The following DOT1L variants were observed in gnomAD, a reference collection of about 807,000 sequenced individuals.
The protein encoded by DOT1L is DOT1 like histone lysine methyltransferase.
A neutral mutation model predicts 153.3 loss-of-function variants in DOT1L; 33 were observed. The observed-to-expected ratio is 0.22, with a 90% confidence interval of 0.16 to 0.29. The LOEUF (loss-of-function observed/expected upper bound fraction) is 0.29, where lower values mean the gene tolerates loss of function less well. DOT1L is among the 10% of genes least tolerant of loss of function. The probability of loss-of-function intolerance (pLI) is 1.00; values close to 1 mark genes in which losing one functional copy is unlikely to be tolerated. For missense variants in DOT1L, 1,847 were observed against 2,119.9 expected (o/e 0.87, Z 2.53); for synonymous variants, 1,135 against 965.1 (o/e 1.18, Z -3.26).
intron 1 of DOT1L, among the ~76,000 whole-genome samples, chr19:2,166,578 A>G (rs2144637950): frequency 6.6e-6 from 1 of 151,800 alleles, no homozygotes; most frequent in Admixed American, 6.6e-5. Flanking sequence ...CGTCCGGCTA[A>G]TTTTGTATTT....
rs554436237 is a variant in DOT1L at position 2,226,051 on chromosome 19, T to C, written c.3662-132T>C. The C allele has an allele frequency of 3.1e-4, 299 of 979,208 alleles. 3 individuals carry two copies. In the South Asian group the frequency reaches 4.0e-3, roughly 13 times the overall value. The allele number at this position is 979,208 out of a possible 1,614,324, so 60.7% of individuals were successfully genotyped here. A position where few individuals can be genotyped will look rare whatever the true frequency, so the allele number is the denominator to read the frequency against. ...CCTGTCCTCTCCCATCCTGTCCCGC[T>C]TGGCATCTTGAGTGTCTGTGACCAG... On this transcript the variant is annotated intron_variant, in intron 26 of 27. Transcript: ENST00000398665.
chr19:2,193,827 A>T lies in DOT1L; in HGVS notation c.588+44A>T. 1 of 1,596,106 alleles carries T rather than the reference A, an allele frequency of 6.3e-7. No individual in the cohort carries two copies. Among genetic ancestry groups the T allele is most frequent in the Non-Finnish European group, 8.6e-7 (1 of 1,168,268 alleles). On this transcript the variant is annotated intron_variant, in intron 6 of 27. Transcript: ENST00000398665. This position sits in a 1 kb window ranked among gnomAD's most constrained non-coding sequence, Gnocchi z 5.9. ...CAGGGTGTGTTGGAGGCAGGGGACC[A>T]TCAGAGAAAGTGACGCCCTGGGTGC...
At position 2,217,670 on chromosome 19, in the gene DOT1L, C is replaced by A. The variant is rs970797375; in HGVS notation, c.2545-102C>A. 3 of 1,481,292 alleles carry A rather than the reference C, an allele frequency of 2.0e-6. No homozygotes were observed. The highest frequency in any genetic ancestry group is 2.7e-6 in the Non-Finnish European group (3 of 1,106,190). The allele number at this position is 1,481,292 out of a possible 1,614,324, so 91.8% of individuals were successfully genotyped here. A position where few individuals can be genotyped will look rare whatever the true frequency, so the allele number is the denominator to read the frequency against. ...TGCAGGGCCTTGGCAGCGTGGGGGC[C>A]GCCTTGAGAGAGCTGTAGCAGGCCC... On this transcript the variant is annotated intron_variant, in intron 21 of 27. Transcript: ENST00000398665. This position sits in a 1 kb window ranked among gnomAD's most constrained non-coding sequence, Gnocchi z 7.3.
chr19:2,196,811 G>C (rs1276312354), intron 7 of DOT1L, among the ~76,000 whole-genome samples: 1 of 152,206 alleles, frequency 6.6e-6, no homozygotes, highest in Non-Finnish European at 1.5e-5. Flanking sequence ...CCCTGGTCTT[G>C]GCGGTCAGCT....
chr19:2,199,081 G>A (rs1368785735), intron 7 of DOT1L, among the ~76,000 whole-genome samples: 2 of 152,372 alleles, frequency 1.3e-5, no homozygotes, highest in East Asian at 3.9e-4. Context: ...GGAGGTGGTA[G>A]TGTTTTTGAA....
At chr19:2,187,673 A>G (rs749238888) in intron 3 of DOT1L, among the ~76,000 whole-genome samples, 10 of 152,168 alleles carry the variant, frequency 6.6e-5, no homozygotes, top group Non-Finnish European at 1.5e-4. Flanking sequence ...CTGTAATCCC[A>G]GCACTTTGGG....
intron 27 of DOT1L, chr19:2,229,284 G>A: frequency 1.0e-6 from 1 of 985,446 alleles, no homozygotes. Flanking sequence ...GGCGTGCCTG[G>A]CGGCGTAGTG....
rs913179905 is a variant in DOT1L, at chr19:2,204,198, CGTGCCTGTGTCTGCATGTCT to C, written c.787+1430_787+1449del. Among the ~76,000 whole-genome samples the C allele has an allele frequency of 1.3e-4, 19 of 149,724 alleles. No homozygotes were observed. Among genetic ancestry groups the C allele is most frequent in the African/African-American group, 3.9e-4 (16 of 40,588 alleles). On this transcript the variant is annotated intron_variant, in intron 9 of 27. Coordinates refer to ENST00000398665, the MANE Select transcript of DOT1L (RefSeq NM_032482.3). This position sits in a 1 kb window ranked among gnomAD's most constrained non-coding sequence, Gnocchi z 5.7. Reference sequence around the variant, plus strand: ...GCGTGTCTCTGTGTGCGTGCCTGTGCGTGCCTGTGTCTGCATGTCTGTGCCTGTGTGCATGCCTGTGTGTG... The same window carrying C: ...GCGTGTCTCTGTGTGCGTGCCTGTGCGTGCCTGTGTGCATGCCTGTGTGTG...
chr19:2,212,293 G>A (rs1395179152), intron 16 of DOT1L: 1 of 154,366 alleles, frequency 6.5e-6, no homozygotes, highest in Non-Finnish European at 1.4e-5. Flanking sequence ...CTCCCAAGTA[G>A]CTGGGACTAC....
intron 19 of DOT1L, 66 bp from the exon 20 acceptor site, chr19:2,216,215 G>T: frequency 6.7e-7 from 1 of 1,503,702 alleles, no homozygotes; most frequent in South Asian, 1.3e-5. Flanking sequence ...GTCCATCTGT[G>T]GCAGTCTTGG....
intron 1 of DOT1L, among the ~76,000 whole-genome samples, 178 bp from the exon 2 acceptor site, chr19:2,180,535 T>G (rs887536769): frequency 3.9e-5 from 6 of 152,058 alleles, no homozygotes; most frequent in African/African-American, 1.4e-4. Flanking sequence ...TGTGTTCCCT[T>G]CGTGGTCCAG....
Position 2,222,456 on chromosome 19 carries a change from C to A in DOT1L, c.3287C>A (p.Thr1096Lys). 6.2e-7 allele frequency: 1 copy of A among 1,607,526 alleles called. No individual in the cohort carries two copies. Among genetic ancestry groups the A allele is most frequent in the South Asian group, 1.1e-5 (1 of 90,900 alleles). The change falls in exon 24 of 28, where the codon ACG (threonine) becomes AAG (lysine). Residue 1096 changes from threonine (T) to lysine (K), a missense_variant. Physicochemically the swap from Thr to Lys is moderately conservative, Grantham distance 78. Transcript: ENST00000398665. This position sits in a 1 kb window ranked among gnomAD's most constrained non-coding sequence, Gnocchi z 6.5. ...CGGCGGAAGCGAGCATCTGCGGGGA[C>A]GCCCAGCTTGAGCGCAGGCGTGTCC... ...RGRRKRASAG[T>K]PSLSAGVSPK...
intron 26 of DOT1L, 148 bp downstream of exon 26, chr19:2,225,600 C>A: frequency 3.3e-6 from 3 of 917,452 alleles, no homozygotes; most frequent in South Asian, 1.4e-5. Context: ...TGCTGGCCTG[C>A]TGCGTCGTGT....
At chr19:2,200,285 T>G (rs548003294) in intron 8 of DOT1L, among the ~76,000 whole-genome samples, 18 of 151,294 alleles carry the variant, frequency 1.2e-4, no homozygotes, top group Admixed American at 1.1e-3. Flanking sequence ...CCTGTCTCCA[T>G]CCATCCCTTC....
rs1200534390 is a variant in DOT1L, at chr19:2,210,459, G to A, written c.1065G>A (p.Thr355=). 30 of 1,586,918 alleles carry A rather than the reference G, an allele frequency of 1.9e-5. No homozygotes were observed. Among genetic ancestry groups the A allele is most frequent in the Middle Eastern group, 3.9e-4 (2 of 5,152 alleles). ...QQRESKSNAA[T]PTKGPEGKVA... is the part of the protein sequence containing the mutation. Reference sequence around the variant, plus strand: ...GCGAGAGCAAGAGCAACGCGGCCACGCCCACTAAGGGCCCAGAGGGCAAGG... The same window carrying A: ...GCGAGAGCAAGAGCAACGCGGCCACACCCACTAAGGGCCCAGAGGGCAAGG... The change falls in exon 13 of 28, where the codon ACG becomes ACA. Residue 355 remains threonine, a synonymous_variant. Coordinates refer to ENST00000398665, the MANE Select transcript of DOT1L (RefSeq NM_032482.3).
intron 16 of DOT1L, chr19:2,212,443 T>G (rs983118333): frequency 1.3e-5 from 2 of 152,590 alleles, no homozygotes; most frequent in African/African-American, 4.8e-5. Flanking sequence ...ATTACAGGCA[T>G]GAGCCACCAC....
chr19:2,225,913 C>T (rs1405010998), intron 26 of DOT1L, among the ~76,000 whole-genome samples: 1 of 152,206 alleles, frequency 6.6e-6, no homozygotes. Flanking sequence ...GCTTCAGCTG[C>T]CTCTGTCCTG....
intron 1 of DOT1L, among the ~76,000 whole-genome samples, chr19:2,173,687 G>A (rs1004114650): frequency 2.0e-5 from 3 of 152,208 alleles, no homozygotes; most frequent in Non-Finnish European, 4.4e-5. Flanking sequence ...CGGGCTGCCC[G>A]GAAGACCTCC....
Position 2,197,971 on chromosome 19 carries a change from A to G in DOT1L, c.652-1913A>G, listed in dbSNP as rs1047955388. Among the ~76,000 whole-genome samples the G allele has an allele frequency of 2.6e-5, 4 of 152,168 alleles. No homozygotes were observed. The highest frequency in any genetic ancestry group is 9.6e-5 in the African/African-American group (4 of 41,452). ...GCCTGTGCTCCACTTGGGAGGCTCC[A>G]AGTCCTCCCGCCTGAGCAGTGTCAC... On this transcript the variant is annotated intron_variant, in intron 7 of 27. Coordinates refer to ENST00000398665, the MANE Select transcript of DOT1L (RefSeq NM_032482.3). The surrounding 1 kb of genome is among the most constrained non-coding windows in gnomAD (Gnocchi z 4.1).
Sources: gnomAD v4.1 joint callset for allele counts (sites outside exome capture counted in the v4.1 genomes callset) on GRCh38, gnomAD v4.1.1 for gene constraint, Gnocchi (gnomAD v3.1) non-coding constraint, MANE v1.5 for transcripts, NCBI Gene and HGNC (gene_info 2026-07-23, HGNC 2026-07-21) for gene names.